DGCR2: variants seen among roughly 807,000 people sequenced by gnomAD.
DGCR2 encodes DiGeorge syndrome critical region gene 2.
A neutral mutation model predicts 51.6 loss-of-function variants in DGCR2; 24 were observed. The ratio of observed to expected loss-of-function variants is 0.47; its 90% CI spans 0.34 to 0.65. The LOEUF (loss-of-function observed/expected upper bound fraction) is 0.65. Ranked by LOEUF, DGCR2 falls within the 30% of genes least tolerant of loss-of-function variation. The probability of loss-of-function intolerance (pLI) is 0.01; values close to 1 mark genes in which losing one functional copy is unlikely to be tolerated. For missense variants in DGCR2, 765 were observed against 772.1 expected (o/e 0.99, Z 0.11); for synonymous variants, 340 against 315.4 (o/e 1.08, Z -0.82).
chr22:19,075,430 G>C (rs1472244880), intron 2 of DGCR2, among the ~76,000 whole-genome samples: 1 of 150,324 alleles, frequency 6.7e-6, no homozygotes, highest in Non-Finnish European at 1.5e-5. Flanking sequence ...CTGGGCCACA[G>C]AGCAAGACTC....
intron 5 of DGCR2, 97 bp downstream of exon 5, chr22:19,063,105 C>G: frequency 8.4e-7 from 1 of 1,197,172 alleles, no homozygotes; most frequent in Non-Finnish European, 1.2e-6. Context: ...AGCACCCCTA[C>G]GGGCCAGGCA....
In DGCR2 at chr22:19,074,869, T is replaced by TTG. The variant is rs2082857569; in HGVS notation, c.203-6646_203-6645dup. ...ACTGCTCTGATTCCTGATCCTTTTA[T>TTG]TGTGACCCAGGTTTCCCGCTACAGG... On this transcript the variant is annotated intron_variant, in intron 2 of 9. Transcript: ENST00000263196. 3.3e-5 allele frequency among the ~76,000 whole-genome samples: 5 copies of TTG among 152,314 alleles called. No homozygotes were observed. In the South Asian group the frequency reaches 1.0e-3, roughly 32 times the overall value.
intron 7 of DGCR2, among the ~76,000 whole-genome samples, chr22:19,044,107 C>G (rs2082462261): frequency 6.6e-6 from 1 of 152,198 alleles, no homozygotes; most frequent in Non-Finnish European, 1.5e-5. Context: ...TTAATCCGTT[C>G]TAAAATAAAC....
intron 9 of DGCR2, among the ~76,000 whole-genome samples, chr22:19,039,974 G>C (rs1348848968): frequency 6.6e-6 from 1 of 152,148 alleles, no homozygotes; most frequent in East Asian, 1.9e-4. Context: ...CAGCCTCCCA[G>C]AGTGCTGGAT....
At chr22:19,041,727 G>T in intron 8 of DGCR2, 80 bp downstream of exon 8, 1 of 1,502,462 alleles carries the variant, frequency 6.7e-7, no homozygotes, top group Non-Finnish European at 9.1e-7. Context: ...TCTCTGTCCA[G>T]GGCTGGGGAG....
intron 1 of DGCR2, among the ~76,000 whole-genome samples, chr22:19,105,084 A>G (rs533863094): frequency 6.6e-6 from 1 of 152,290 alleles, no homozygotes; most frequent in African/African-American, 2.4e-5. Flanking sequence ...GCACTTTGAG[A>G]GGCTAAGGCG....
chr22:19,103,242 G>A (rs897257024), intron 1 of DGCR2, among the ~76,000 whole-genome samples: 6 of 151,108 alleles, frequency 4.0e-5, no homozygotes, highest in Non-Finnish European at 2.9e-5. Context: ...GGGGAATTGG[G>A]GAGTTACTGT....
At chr22:19,075,299 T>C (rs1158758823) in intron 2 of DGCR2, among the ~76,000 whole-genome samples, 1 of 151,918 alleles carries the variant, frequency 6.6e-6, no homozygotes, top group Non-Finnish European at 1.5e-5. Flanking sequence ...TGGTGAAAAT[T>C]AGCCGGGCGT....
chr22:19,067,106 T>C (rs900167548), intron 3 of DGCR2, among the ~76,000 whole-genome samples: 3 of 152,186 alleles, frequency 2.0e-5, no homozygotes, highest in East Asian at 1.9e-4. Flanking sequence ...GTGGGGGTTC[T>C]GCCAGAAGCA....
intron 1 of DGCR2, among the ~76,000 whole-genome samples, chr22:19,099,684 C>A (rs1426928400): frequency 6.6e-6 from 1 of 152,086 alleles, no homozygotes; most frequent in Non-Finnish European, 1.5e-5. Context: ...AAAACAGTCA[C>A]CCTTGGCCAG....
At chr22:19,065,964 G>GTA (rs2082743759) in intron 3 of DGCR2, 1 of 152,054 alleles carries the variant, frequency 6.6e-6, no homozygotes, top group African/African-American at 2.4e-5. Flanking sequence ...GCATGTGTGT[G>GTA]TGTGACTTCT....
chr22:19,067,566 G>T (rs1481999479), intron 3 of DGCR2, among the ~76,000 whole-genome samples: 2 of 152,030 alleles, frequency 1.3e-5, no homozygotes, highest in African/African-American at 4.8e-5. Context: ...GATGGCACGT[G>T]CCTGTAATCC....
rs757135530 is a variant in DGCR2 at position 19,112,870 on chromosome 22, A to T, written c.79+9258T>A. Among the ~76,000 whole-genome samples, 2 of 144,498 alleles carry T rather than the reference A, an allele frequency of 1.4e-5. 1 individual carries two copies. Among genetic ancestry groups the T allele is most frequent in the Non-Finnish European group, 3.1e-5 (2 of 64,972 alleles). The allele number at this position is 144,498 out of a possible 152,430, so 94.8% of individuals were successfully genotyped here. A position where few individuals can be genotyped will look rare whatever the true frequency, so the allele number is the denominator to read the frequency against. On this transcript the variant is annotated intron_variant, in intron 1 of 9. Transcript: ENST00000263196. ...AACACAAAGAGCTAAAAAAAATTAAATTAAATTAAATTCTACTTAATAGGT... is the reference window on the plus strand; with the variant it reads ...AACACAAAGAGCTAAAAAAAATTAATTTAAATTAAATTCTACTTAATAGGT...
At chr22:19,100,942 C>CA (rs2083194862) in intron 1 of DGCR2, among the ~76,000 whole-genome samples, 1 of 150,404 alleles carries the variant, frequency 6.6e-6, no homozygotes, top group African/African-American at 2.4e-5. Context: ...CTGTATCTAC[C>CA]AAAAAATACA....
At chr22:19,064,485 T>A (rs1174650568) in intron 4 of DGCR2, among the ~76,000 whole-genome samples, 22 of 152,250 alleles carry the variant, frequency 1.4e-4, no homozygotes, top group Admixed American at 1.4e-3. Context: ...TGCACACCCC[T>A]TGCACAAGGC....
chr22:19,071,246 C>G (rs928163488), intron 2 of DGCR2, among the ~76,000 whole-genome samples: 2 of 152,234 alleles, frequency 1.3e-5, no homozygotes, highest in African/African-American at 4.8e-5. Context: ...TAGAGTGCCA[C>G]GCTGCTGCTT....
intron 3 of DGCR2, chr22:19,065,932 T>C (rs915389386): frequency 1.3e-5 from 2 of 149,862 alleles, no homozygotes; most frequent in African/African-American, 5.0e-5. Context: ...TAGACACGTA[T>C]CCCCATGTAT....
At chr22:19,113,771 G>T (rs1242096487) in intron 1 of DGCR2, among the ~76,000 whole-genome samples, 1 of 152,024 alleles carries the variant, frequency 6.6e-6, no homozygotes, top group Non-Finnish European at 1.5e-5. Context: ...AAAAAAGAAT[G>T]AGTTAGGCCA....
At chr22:19,044,566 G>T (rs1019077080) in intron 7 of DGCR2, among the ~76,000 whole-genome samples, 2 of 152,214 alleles carry the variant, frequency 1.3e-5, no homozygotes, top group Non-Finnish European at 2.9e-5. Context: ...GAACCTCATC[G>T]TATCAGGGCT....
Sources: gnomAD v4.1 joint callset for allele counts (sites outside exome capture counted in the v4.1 genomes callset) on GRCh38, gnomAD v4.1.1 for gene constraint, MANE v1.5 for transcripts, NCBI Gene and HGNC (gene_info 2026-07-23, HGNC 2026-07-21) for gene names.